CAST: variants seen among roughly 807,000 people sequenced by gnomAD.
The protein encoded by CAST is MIR583 host.
Under a neutral mutation model 119.6 loss-of-function variants are expected in CAST, and 76 were observed. That is an observed-to-expected ratio of 0.64 (90% CI 0.53 to 0.77). CAST has a LOEUF of 0.77. Ranked by LOEUF, CAST falls within the 30% of genes least tolerant of loss-of-function variation. The pLI, the probability that CAST is intolerant of heterozygous loss-of-function variation, is 0.00. For missense variants in CAST, 953 were observed against 946.5 expected (o/e 1.01, Z -0.09); for synonymous variants, 319 against 331.6 (o/e 0.96, Z 0.41).
At chr5:95,986,911 T>G in the CAST span, among the ~76,000 whole-genome samples, 1 of 152,278 alleles carries the variant, frequency 6.6e-6, no homozygotes, top group South Asian at 2.1e-4. Flanking sequence ...TAAAAAATGC[T>G]GCACAGAGGC....
At chr5:96,752,449 G>T (rs1370996959) in intron 20 of CAST, among the ~76,000 whole-genome samples, 1 of 151,826 alleles carries the variant, frequency 6.6e-6, no homozygotes, top group African/African-American at 2.4e-5. Flanking sequence ...ATAAGACTTG[G>T]GTACCAGTGC....
chr5:96,074,570 A>G, the CAST span, among the ~76,000 whole-genome samples: 1 of 152,350 alleles, frequency 6.6e-6, no homozygotes, highest in South Asian at 2.1e-4. Flanking sequence ...TTAAGGCACC[A>G]CAGTCTTTGG....
At chr5:96,056,911 A>G in the CAST span, among the ~76,000 whole-genome samples, 2 of 152,126 alleles carry the variant, frequency 1.3e-5, no homozygotes, top group Non-Finnish European at 2.9e-5. Context: ...TGGCTTGGAC[A>G]CTATTACAAA....
the CAST span, among the ~76,000 whole-genome samples, chr5:96,373,497 A>G: frequency 6.6e-6 from 1 of 152,196 alleles, no homozygotes; most frequent in South Asian, 2.1e-4. Flanking sequence ...TGTCTTTTTC[A>G]GGAACAGCCA....
Position 96,534,743 on chromosome 5 carries a change from A to AGAAAGAGAAAG in CAST, c.60+4863_60+4864insGAAAGAGAAAG, listed in dbSNP as rs1554066267. ...AGAGAGAGAGAGAGAGAGAGAGAGA[A>AGAAAGAGAAAG]AGAAAGAAAGAAAGAAAGAAAGAAA... On this transcript the variant is annotated intron_variant, in intron 1 of 11. Transcript: ENST00000505143. 8.5e-3 allele frequency among the ~76,000 whole-genome samples: 481 copies of AGAAAGAGAAAG among 56,590 alleles called. 90 individuals are homozygous for AGAAAGAGAAAG. The highest frequency in any genetic ancestry group is 0.03 in the East Asian group (35 of 1,150). 37.1% of individuals were successfully genotyped at this position (56,590 alleles called of 152,430 possible).
At chr5:96,274,692 A>G in the CAST span, among the ~76,000 whole-genome samples, 1 of 152,176 alleles carries the variant, frequency 6.6e-6, no homozygotes, top group Admixed American at 6.5e-5. Context: ...CTGATTAATT[A>G]TTCTCTTTGT....
At chr5:96,275,364 C>T in the CAST span, among the ~76,000 whole-genome samples, 1 of 152,064 alleles carries the variant, frequency 6.6e-6, no homozygotes, top group Non-Finnish European at 1.5e-5. Flanking sequence ...GATAATATAA[C>T]CAATGATGTC....
At position 96,729,638 on chromosome 5, in the gene CAST, A is replaced by G; in HGVS notation, c.462A>G (p.Ser154=). 1 of 1,584,682 alleles carries G rather than the reference A, an allele frequency of 6.3e-7. No individual in the cohort carries two copies. Among genetic ancestry groups the G allele is most frequent in the Non-Finnish European group, 8.7e-7 (1 of 1,153,450 alleles). ...CAAAAAGCCTACCCAAGCAGGCATCAGATACAGGAAGTAACGATGCTCACA... is the reference window on the plus strand; with the variant it reads ...CAAAAAGCCTACCCAAGCAGGCATCGGATACAGGAAGTAACGATGCTCACA... ...TEPKSLPKQA[S]DTGSNDAHNK... The change falls in exon 8 of 32, where the codon TCA becomes TCG. Residue 154 remains serine (S), a synonymous_variant. Transcript: ENST00000675179.
chr5:96,325,695 G>C, the CAST span, among the ~76,000 whole-genome samples: 1 of 152,032 alleles, frequency 6.6e-6, no homozygotes, highest in African/African-American at 2.4e-5. Flanking sequence ...GTCCAGGCTG[G>C]TCTCAAACTC....
chr5:96,726,707 A>G (rs1336856469), intron 4 of CAST, 87 bp from the exon 5 acceptor site: 2 of 864,520 alleles, frequency 2.3e-6, no homozygotes, highest in Non-Finnish European at 1.9e-6. Context: ...TAGAATTGAT[A>G]TAATCATTTT....
chr5:96,376,816 C>T, the CAST span, among the ~76,000 whole-genome samples: 1 of 152,122 alleles, frequency 6.6e-6, no homozygotes, highest in Non-Finnish European at 1.5e-5. Flanking sequence ...AAAACAGCCT[C>T]AGGTAGGTCC....
At chr5:96,552,690 A>G (rs982983950) in intron 1 of CAST, among the ~76,000 whole-genome samples, 15 of 152,198 alleles carry the variant, frequency 9.9e-5, no homozygotes, top group African/African-American at 3.6e-4. Flanking sequence ...AAAAGAGAGA[A>G]GAATCAAATA....
the CAST span, among the ~76,000 whole-genome samples, chr5:96,369,200 A>C: frequency 6.6e-6 from 1 of 151,404 alleles, no homozygotes; most frequent in African/African-American, 2.4e-5. Flanking sequence ...CTTTTAAATA[A>C]ATTTTACTTA....
At chr5:96,072,614 A>C in the CAST span, among the ~76,000 whole-genome samples, 2 of 152,226 alleles carry the variant, frequency 1.3e-5, no homozygotes, top group Non-Finnish European at 2.9e-5. Context: ...TAATTTGACG[A>C]GATCAGCAAT....
At chr5:96,557,722 A>G (rs1027135083) in intron 1 of CAST, among the ~76,000 whole-genome samples, 1 of 152,212 alleles carries the variant, frequency 6.6e-6, no homozygotes, top group African/African-American at 2.4e-5. Context: ...TTAGAGACCT[A>G]CAAAGAAACT....
the CAST span, among the ~76,000 whole-genome samples, chr5:96,488,465 T>A: frequency 6.6e-6 from 1 of 152,244 alleles, no homozygotes. Context: ...TGTCAAAAAA[T>A]GCAAAACTTC....
At chr5:96,081,086 T>G in the CAST span, among the ~76,000 whole-genome samples, 2 of 152,148 alleles carry the variant, frequency 1.3e-5, no homozygotes, top group Non-Finnish European at 2.9e-5. Context: ...CTGGGATAAA[T>G]CACCCCCAAG....
chr5:96,178,218 T>C, the CAST span, among the ~76,000 whole-genome samples: 1 of 152,168 alleles, frequency 6.6e-6, no homozygotes, highest in Non-Finnish European at 1.5e-5. Flanking sequence ...CTCACCTAAA[T>C]AGTAATAAAA....
the CAST span, among the ~76,000 whole-genome samples, chr5:96,136,423 T>G: frequency 0.016 from 2,382 of 152,208 alleles, 50 homozygotes; most frequent in African/African-American, 0.054. Flanking sequence ...AGGCTCAACT[T>G]GCATATTTTC....
Sources: allele counts gnomAD v4.1 joint callset (sites outside exome capture counted in the v4.1 genomes callset), GRCh38; gene constraint gnomAD v4.1.1; transcripts MANE v1.5; gene names NCBI Gene and HGNC (gene_info 2026-07-23, HGNC 2026-07-21).